AKT3: variants seen among roughly 807,000 people sequenced by gnomAD.
AKT3 encodes the protein AKT serine/threonine kinase 3, also known as RAC-gamma serine/threonine-protein kinase.
In AKT3, 15 loss-of-function variants were observed where a neutral mutation model predicts 65.3. The ratio of observed to expected loss-of-function variants is 0.23; its 90% CI spans 0.15 to 0.35. AKT3 has a LOEUF of 0.35. Ranked by LOEUF, AKT3 falls within the 10% of genes least tolerant of loss-of-function variation. AKT3 has a pLI of 1.00. For synonymous variants in AKT3, 206 were observed against 183.8 expected (o/e 1.12, Z -0.98); for missense variants, 243 against 576.5 (o/e 0.42, Z 5.92).
At chr1:243,736,128 C>T (rs1041602098) in intron 2 of AKT3, among the ~76,000 whole-genome samples, 4 of 152,112 alleles carry the variant, frequency 2.6e-5, no homozygotes, top group Non-Finnish European at 1.5e-5. Context: ...TACATGGATT[C>T]AAATCCTGGC....
At chr1:243,643,683 G>A (rs925916907) in intron 5 of AKT3, among the ~76,000 whole-genome samples, 4 of 152,114 alleles carry the variant, frequency 2.6e-5, no homozygotes, top group African/African-American at 4.8e-5. Context: ...GGGAGGTAAC[G>A]AACCCTATTT....
intron 2 of AKT3, among the ~76,000 whole-genome samples, chr1:243,713,746 TAAAAAAAAAAAAAAA>T (rs572960154): frequency 1.2e-5 from 1 of 82,966 alleles, no homozygotes; most frequent in East Asian, 4.0e-4. Flanking sequence ...TTTGCCTTAA[TAAAAAAAAAAAAAAA>T]AAAAAAAAAA....
rs946060746 is a variant in AKT3 at position 243,501,108 on chromosome 1, G to A, written c.*4141C>T. On this transcript the variant is annotated 3_prime_UTR_variant, in exon 14 of 14. Transcript: ENST00000673466. Reference sequence around the variant, plus strand: ...TTGGCCGTGTGACATACACATACATGCTTGACTCACTCTGGTCCCAAAAGC... The same window carrying A: ...TTGGCCGTGTGACATACACATACATACTTGACTCACTCTGGTCCCAAAAGC... 1 of 231,060 alleles carries A rather than the reference G, an allele frequency of 4.3e-6. No homozygotes were observed. Among genetic ancestry groups the A allele is most frequent in the African/African-American group, 2.2e-5 (1 of 45,156 alleles). The allele number at this position is 231,060 out of a possible 1,614,324, so 14.3% of individuals were successfully genotyped here.
chr1:243,576,498 G>C (rs1674953888), intron 8 of AKT3, among the ~76,000 whole-genome samples: 1 of 152,126 alleles, frequency 6.6e-6, no homozygotes, highest in Non-Finnish European at 1.5e-5. Flanking sequence ...CATCCTCTCA[G>C]TCCAAAAGCT....
chr1:243,787,819 C>A (rs1691360293), intron 2 of AKT3, among the ~76,000 whole-genome samples: 1 of 152,130 alleles, frequency 6.6e-6, no homozygotes, highest in Non-Finnish European at 1.5e-5. Context: ...ACTGAGGAAC[C>A]TAGGCCAGGT....
chr1:243,803,199 C>T (rs1317106017), intron 2 of AKT3, among the ~76,000 whole-genome samples: 1 of 151,996 alleles, frequency 6.6e-6, no homozygotes, highest in East Asian at 1.9e-4. Flanking sequence ...CTATTATGAG[C>T]CTAGCACTAC....
At chr1:243,572,046 A>G (rs1235662779) in intron 9 of AKT3, among the ~76,000 whole-genome samples, 2 of 152,222 alleles carry the variant, frequency 1.3e-5, no homozygotes, top group Non-Finnish European at 2.9e-5. Context: ...CAAATTTTAT[A>G]CACAATTTGC....
At chr1:243,774,684 A>C (rs151148613) in intron 2 of AKT3, among the ~76,000 whole-genome samples, 2 of 152,314 alleles carry the variant, frequency 1.3e-5, no homozygotes, top group African/African-American at 4.8e-5. Context: ...TATTTGCTCT[A>C]TGCTTTCCCA....
intron 13 of AKT3, among the ~76,000 whole-genome samples, chr1:243,494,391 T>A (rs1359803611): frequency 6.6e-6 from 1 of 152,240 alleles, no homozygotes; most frequent in Admixed American, 6.5e-5. Context: ...CATATTTTTT[T>A]AAATAAACTT....
chr1:243,760,017 G>A (rs1291910922), intron 2 of AKT3, among the ~76,000 whole-genome samples: 1 of 152,172 alleles, frequency 6.6e-6, no homozygotes, highest in East Asian at 1.9e-4. Context: ...CATGTCACCT[G>A]AGTGGACCAG....
intron 5 of AKT3, 89 bp downstream of exon 5, chr1:243,645,804 T>C (rs1680765753): frequency 7.7e-7 from 1 of 1,303,706 alleles, no homozygotes; most frequent in South Asian, 1.5e-5. Context: ...GTAAGAAAAC[T>C]GGCTGACATC....
chr1:243,686,580 T>C (rs1684312735), intron 3 of AKT3, among the ~76,000 whole-genome samples: 1 of 141,856 alleles, frequency 7.0e-6, no homozygotes, highest in South Asian at 2.3e-4. Context: ...GTACCTTCTA[T>C]CTTACGTTAA....
intron 7 of AKT3, among the ~76,000 whole-genome samples, chr1:243,614,023 T>C (rs1678097878): frequency 6.6e-6 from 1 of 152,206 alleles, no homozygotes; most frequent in African/African-American, 2.4e-5. Context: ...TTGCCATTGA[T>C]TTGAAGCTGC....
chr1:243,792,090 C>T (rs1691665963), intron 2 of AKT3, among the ~76,000 whole-genome samples: 1 of 152,120 alleles, frequency 6.6e-6, no homozygotes, highest in Non-Finnish European at 1.5e-5. Flanking sequence ...CTTCTTAGTT[C>T]TGCCAGCAGT....
intron 2 of AKT3, among the ~76,000 whole-genome samples, chr1:243,701,550 C>T (rs1327626608): frequency 6.6e-6 from 1 of 150,822 alleles, no homozygotes; most frequent in African/African-American, 2.4e-5. Flanking sequence ...AACCATAGCA[C>T]TATTTTTCAC....
chr1:243,833,210 C>A (rs1315276943), intron 2 of AKT3, among the ~76,000 whole-genome samples: 2 of 152,098 alleles, frequency 1.3e-5, no homozygotes, highest in Non-Finnish European at 2.9e-5. Context: ...CAAGATCACA[C>A]CACTGCACTT....
intron 3 of AKT3, among the ~76,000 whole-genome samples, chr1:243,691,283 T>C (rs1030860390): frequency 6.6e-6 from 1 of 152,132 alleles, no homozygotes; most frequent in African/African-American, 2.4e-5. Flanking sequence ...AGAAGAGAGA[T>C]CCTGCAAGAG....
Position 243,646,021 on chromosome 1 carries a change from C to T in AKT3, c.301G>A (p.Ala101Thr), listed in dbSNP as rs762440650. 6.2e-7 allele frequency: 1 copy of T among 1,606,644 alleles called. No individual in the cohort carries two copies. The change falls in exon 5 of 14, where the codon GCT becomes ACT. Residue 101 changes from alanine (A) to threonine (T), a missense_variant. Physicochemically the swap from Ala to Thr is moderately conservative, Grantham distance 58 (BLOSUM62 0). Around this residue, in one of 6 missense-constraint regions of AKT3, gnomAD observed 72 missense variants for 86.0 expected, o/e 0.84. Transcript: ENST00000673466. ...TPEEREEWTEAIQAVADRLQR... is the reference protein window; with the variant it reads ...TPEEREEWTETIQAVADRLQR... ...AGTCTGTCTGCTACAGCCTGGATAG[C>T]TTCTGTCCATTCTTCCCTATAAAAA...
chr1:243,632,162 G>A (rs943821823), intron 6 of AKT3, among the ~76,000 whole-genome samples: 15 of 152,250 alleles, frequency 9.9e-5, no homozygotes, highest in Admixed American at 8.5e-4. Flanking sequence ...GGATCTATCA[G>A]CAGAGGAATT....
Sources: gnomAD v4.1 joint callset for allele counts (sites outside exome capture counted in the v4.1 genomes callset) on GRCh38, gnomAD v4.1.1 for gene constraint, gnomAD v4.1.1 regional missense constraint, MANE v1.5 for transcripts, NCBI Gene and HGNC (gene_info 2026-07-23, HGNC 2026-07-21) for gene names.